Variants in OVGP1 observed in about 807,000 individuals in gnomAD.
OVGP1 encodes the protein oviduct-specific glycoprotein.
A neutral mutation model predicts 48.2 loss-of-function variants in OVGP1; 26 were observed. The observed-to-expected ratio is 0.54, with a 90% CI of 0.40 to 0.75. The LOEUF is 0.75. Among genes scored for constraint, OVGP1 ranks in the 30% least tolerant of loss-of-function variants. OVGP1 has a pLI of 0.00. For synonymous variants in OVGP1, 294 were observed against 305.7 expected, an observed-to-expected ratio of 0.96 and a Z score of 0.40; for missense variants, 791 against 820.6, an observed-to-expected ratio of 0.96 and a Z score of 0.44.
At position 111,416,403 on chromosome 1, in the gene OVGP1, A is replaced by G. The variant is rs1246208532; in HGVS notation, c.1076T>C (p.Met359Thr). 1.2e-6 allele frequency: 2 copies of G among 1,608,638 alleles called. No homozygotes were observed. The highest frequency in any genetic ancestry group is 2.7e-5 in the African/African-American group (2 of 74,904). The change falls in exon 10 of 11, where the codon ATG becomes ACG. Residue 359 changes from methionine to threonine, a missense_variant. Transcript: ENST00000369732. The part of the protein sequence containing the change: ...FGGAMVWTLD[M>T]DDVRGTFCGT... ...ACAGAACGTGCCCCTGACGTCATCC[A>G]TGTCCAATGTCCACACCATGGCCCC...
At chr1:111,424,713 A>G (rs538076685) in intron 4 of OVGP1, among the ~76,000 whole-genome samples, 1 of 152,306 alleles carries the variant, frequency 6.6e-6, no homozygotes, top group East Asian at 1.9e-4. Context: ...TCTTTCCTCC[A>G]TCTTGTAAAG....
At position 111,414,773 on chromosome 1, in the gene OVGP1, G is replaced by T. The variant is rs746047285; in HGVS notation, c.1728C>A (p.Val576=). The change falls in exon 11 of 11, where the codon GTC becomes GTA. Residue 576 remains valine (V), a synonymous_variant. Transcript: ENST00000369732. ...RKAVAREKVT[V]PSRNISVTPE... ...GGGTGACTGATATGTTTCTGGAGGG[G>T]ACAGTCACCTTTTCACGGGCCACAG... 2.5e-6 allele frequency: 4 copies of T among 1,607,780 alleles called. No individual in the cohort carries two copies. Among genetic ancestry groups the T allele is most frequent in the Non-Finnish European group, 3.4e-6 (4 of 1,175,170 alleles).
chr1:111,419,515 T>C, intron 9 of OVGP1, 95 bp downstream of exon 9: 2 of 762,214 alleles, frequency 2.6e-6, no homozygotes, highest in Non-Finnish European at 4.7e-6. Flanking sequence ...CCTTTCACTC[T>C]CCACCCAATA....
chr1:111,420,132 G>A (rs940084799), intron 8 of OVGP1, among the ~76,000 whole-genome samples: 8 of 152,200 alleles, frequency 5.3e-5, no homozygotes, highest in African/African-American at 1.9e-4. Flanking sequence ...CATATAGGTG[G>A]TTCTCAAACT....
At chr1:111,415,431 G>T in intron 10 of OVGP1, 87 bp from the exon 11 acceptor site, 1 of 1,230,116 alleles carries the variant, frequency 8.1e-7, no homozygotes, top group Non-Finnish European at 1.1e-6. Flanking sequence ...CCAATCCAGG[G>T]CTGAAGTACC....
intron 1 of OVGP1, 38 bp from the exon 2 acceptor site, chr1:111,427,129 T>C: frequency 2.5e-6 from 4 of 1,613,882 alleles, no homozygotes; most frequent in Non-Finnish European, 3.4e-6. Context: ...CAGAGATTCA[T>C]ACCCTCACCA....
chr1:111,418,422 A>G (rs750961224), intron 9 of OVGP1, among the ~76,000 whole-genome samples: 58 of 152,060 alleles, frequency 3.8e-4, no homozygotes, highest in Admixed American at 1.5e-3. Context: ...ATGCTTTTTT[A>G]TCTCTCTCCG....
intron 9 of OVGP1, among the ~76,000 whole-genome samples, chr1:111,418,750 T>C (rs1179506661): frequency 1.3e-5 from 2 of 152,304 alleles, no homozygotes; most frequent in South Asian, 2.1e-4. Flanking sequence ...ACTTAGCATT[T>C]GGAAGGATCA....
At chr1:111,422,780 G>C in intron 6 of OVGP1, 147 bp downstream of exon 6, 1 of 834,206 alleles carries the variant, frequency 1.2e-6, no homozygotes, top group Non-Finnish European at 1.9e-6. Flanking sequence ...CCCCACCCAT[G>C]CTCCTCAGTC....
chr1:111,423,115 T>C lies in OVGP1; in HGVS notation c.484-64A>G, dbSNP rs960837144. 2.5e-6 allele frequency: 4 copies of C among 1,597,596 alleles called. No homozygotes were observed. The African/African-American group carries it at 5.5e-5, about 22-fold the overall frequency. ...ACAGAGAGGCGGGGCCTGGGGGGAG[T>C]GTCATCTAGGAAGCATTTACTGAGC... On this transcript the variant is annotated intron_variant, in intron 5 of 10. Coordinates refer to ENST00000369732, the MANE Select transcript of OVGP1 (RefSeq NM_002557.4).
chr1:111,419,258 A>G (rs2101724401), intron 9 of OVGP1, among the ~76,000 whole-genome samples: 1 of 152,288 alleles, frequency 6.6e-6, no homozygotes, highest in South Asian at 2.1e-4. Context: ...TGTCAGTAAT[A>G]TTTACAGAGC....
chr1:111,423,173 T>G (rs373899653), intron 5 of OVGP1, 122 bp from the exon 6 acceptor site: 2 of 1,220,360 alleles, frequency 1.6e-6, no homozygotes. Flanking sequence ...CGAAGGTGAG[T>G]TGGACATGGG....
chr1:111,423,773 C>T, intron 4 of OVGP1, 65 bp from the exon 5 acceptor site: 3 of 1,517,896 alleles, frequency 2.0e-6, no homozygotes, highest in Non-Finnish European at 2.7e-6. Context: ...CTACAAGGCC[C>T]CTTGCAAGCT....
rs1356433852 is a variant in OVGP1, at chr1:111,426,227, C to G, written c.260+210G>C. Among the ~76,000 whole-genome samples the G allele has an allele frequency of 5.3e-5, 8 of 152,250 alleles. No individual in the cohort carries two copies. In the East Asian group the frequency reaches 1.5e-3, roughly 29 times the overall value. On this transcript the variant is annotated intron_variant, in intron 3 of 10. Transcript: ENST00000369732. ...GAGAGAAGCACATTCCAGGCAGAGA[C>G]AACAGCAACTACAAAAGTAAGGAGG...
chr1:111,427,164 C>T, intron 1 of OVGP1, 73 bp from the exon 2 acceptor site: 5 of 1,608,714 alleles, frequency 3.1e-6, no homozygotes, highest in Non-Finnish European at 3.4e-6. Context: ...AGCACACCCT[C>T]TGATTAGCAA....
At position 111,415,309 on chromosome 1, in the gene OVGP1, A is replaced by T. The variant is rs1457538002; in HGVS notation, c.1192T>A (p.Ser398Thr). 6.2e-7 allele frequency: 1 copy of T among 1,612,500 alleles called. No individual in the cohort carries two copies. Among genetic ancestry groups the T allele is most frequent in the Admixed American group, 1.7e-5 (1 of 59,896 alleles). ...GTGCTTGAAGAATTCACAGCAGATGACAGCCAAAATTGTGGTAAAGAAGTT... is the reference window on the plus strand; with the variant it reads ...GTGCTTGAAGAATTCACAGCAGATGTCAGCCAAAATTGTGGTAAAGAAGTT... ...SSTSLPQFWL[S>T]SAVNSSSTDP... Residue 398 changes from serine (S) to threonine (T), a missense_variant, in exon 11 of 11, where the codon TCA becomes ACA. Physicochemically the swap from Ser to Thr is moderately conservative, Grantham distance 58. Transcript: ENST00000369732.
At chr1:111,425,341 C>A (rs1652371773) in intron 4 of OVGP1, 42 bp downstream of exon 4, 2 of 1,611,922 alleles carry the variant, frequency 1.2e-6, no homozygotes. Context: ...AACCAGCCTG[C>A]TCCACCCTCC....
chr1:111,427,371 C>T (rs901379030), intron 1 of OVGP1: 18 of 985,288 alleles, frequency 1.8e-5, no homozygotes, highest in South Asian at 9.4e-5. Flanking sequence ...AGAAAAAGCT[C>T]GAGGCCAGTG....
chr1:111,424,151 G>T (rs890612116), intron 4 of OVGP1, among the ~76,000 whole-genome samples: 2 of 152,218 alleles, frequency 1.3e-5, no homozygotes, highest in African/African-American at 4.8e-5. Flanking sequence ...TGGATTAGGG[G>T]AGAGAACATG....
Sources: gnomAD v4.1 joint callset for allele counts (sites outside exome capture counted in the v4.1 genomes callset) on GRCh38, gnomAD v4.1.1 for gene constraint, MANE v1.5 for transcripts, NCBI Gene and HGNC (gene_info 2026-07-23, HGNC 2026-07-21) for gene names.